The following RXRA variants were observed in gnomAD, a reference collection of about 807,000 sequenced individuals.
RXRA encodes the protein retinoid X receptor alpha.
A neutral mutation model predicts 44.5 loss-of-function variants in RXRA; 5 were observed. The ratio of observed to expected loss-of-function variants is 0.11; its 90% CI spans 0.06 to 0.24. The LOEUF is 0.24. Among genes scored for constraint, RXRA ranks in the 10% least tolerant of loss-of-function variants. RXRA has a pLI of 1.00. For synonymous variants in RXRA, 291 were observed against 271.4 expected, an observed-to-expected ratio of 1.07 and a Z score of -0.71; for missense variants, 412 against 646.5, an observed-to-expected ratio of 0.64 and a Z score of 3.93.
At chr9:134,332,732 G>C (rs1443093731) in intron 1 of RXRA, among the ~76,000 whole-genome samples, 1 of 152,164 alleles carries the variant, frequency 6.6e-6, no homozygotes, top group Admixed American at 6.5e-5. Flanking sequence ...TGGCTGGAAT[G>C]AGGCCACCAG....
In RXRA at chr9:134,342,825, A is replaced by G. The variant is rs10881580; in HGVS notation, c.28+16166A>G. ...CCCTTCCTGCTCTGGCTGGCTCAGC[A>G]GGTTGAGCGCAGGTGGTGGCTGTGG... On this transcript the variant is annotated intron_variant, in intron 1 of 9. Coordinates refer to ENST00000481739, the MANE Select transcript of RXRA (RefSeq NM_002957.6). The surrounding 1 kb of genome is among the most constrained non-coding windows in gnomAD (Gnocchi z 4.4). Among the ~76,000 whole-genome samples the G allele has an allele frequency of 0.33, 50,619 of 151,974 alleles. 8,744 individuals are homozygous for G. Among genetic ancestry groups the G allele is most frequent in the African/African-American group, 0.42 (17,258 of 41,442 alleles).
chr9:134,429,885 G>A (rs554742890), intron 7 of RXRA, among the ~76,000 whole-genome samples: 1 of 152,070 alleles, frequency 6.6e-6, no homozygotes, highest in African/African-American at 2.4e-5. Context: ...CCCTGTCTCT[G>A]CACAGCCTTT....
intron 1 of RXRA, among the ~76,000 whole-genome samples, chr9:134,372,660 T>G (rs566208496): frequency 6.6e-5 from 10 of 152,214 alleles, no homozygotes; most frequent in Non-Finnish European, 1.3e-4. Context: ...CTGACCCGCC[T>G]TGGGGCCCCC....
At chr9:134,430,875 T>C (rs1272651158) in intron 7 of RXRA, among the ~76,000 whole-genome samples, 3 of 152,158 alleles carry the variant, frequency 2.0e-5, no homozygotes, top group African/African-American at 7.2e-5. Flanking sequence ...TTTTTGCGAG[T>C]GGAATGCAAA....
intron 4 of RXRA, among the ~76,000 whole-genome samples, chr9:134,411,906 T>C (rs1228708269): frequency 1.3e-5 from 2 of 152,076 alleles, no homozygotes; most frequent in Admixed American, 1.3e-4. Flanking sequence ...CTCCTTACTC[T>C]TGGGCAGTAA....
intron 8 of RXRA, 105 bp downstream of exon 8, chr9:134,432,101 CAA>C: frequency 1.3e-6 from 1 of 774,634 alleles, no homozygotes; most frequent in South Asian, 1.6e-5. Flanking sequence ...CATGTGGGGC[CAA>C]CTCCCACCCT....
At chr9:134,415,602 C>T (rs910503739) in intron 4 of RXRA, among the ~76,000 whole-genome samples, 1 of 152,054 alleles carries the variant, frequency 6.6e-6, no homozygotes, top group Non-Finnish European at 1.5e-5. Flanking sequence ...GAGGTGGCAG[C>T]TTCAGGAACC....
Position 134,365,734 on chromosome 9 carries a change from C to T in RXRA, c.29-35898C>T, listed in dbSNP as rs543186828. Among the ~76,000 whole-genome samples the T allele has an allele frequency of 1.3e-5, 2 of 151,824 alleles. No individual in the cohort carries two copies. The highest frequency in any genetic ancestry group is 2.4e-5 in the African/African-American group (1 of 41,356). On this transcript the variant is annotated intron_variant, in intron 1 of 9. Coordinates refer to ENST00000481739, the MANE Select transcript of RXRA (RefSeq NM_002957.6). This position sits in a 1 kb window ranked among gnomAD's most constrained non-coding sequence, Gnocchi z 4.0. Reference sequence around the variant, plus strand: ...AGCCCTGAGGGGCCCGGCAGAGTCTCGGTGGGTCTCGGTGGGGCCAGCTGT... The same window carrying T: ...AGCCCTGAGGGGCCCGGCAGAGTCTTGGTGGGTCTCGGTGGGGCCAGCTGT...
intron 1 of RXRA, among the ~76,000 whole-genome samples, chr9:134,389,676 A>G (rs1830771906): frequency 6.6e-6 from 1 of 152,120 alleles, no homozygotes; most frequent in South Asian, 2.1e-4. Context: ...GGCCTGGGCA[A>G]GGTCTGGACT....
chr9:134,405,899 C>T (rs1036305923), intron 2 of RXRA: 5 of 152,448 alleles, frequency 3.3e-5, no homozygotes, highest in African/African-American at 1.2e-4. Flanking sequence ...CAAACAAGCC[C>T]TTTGCTTCCC....
chr9:134,417,976 A>C lies in RXRA; in HGVS notation c.780+649A>C, dbSNP rs911298579. On this transcript the variant is annotated intron_variant, in intron 5 of 9. Transcript: ENST00000481739. This position sits in a 1 kb window ranked among gnomAD's most constrained non-coding sequence, Gnocchi z 6.1. ...CTGGGCTGGCTCCAGCTGGTCCTGG[A>C]GGTGTTGGATTCAAGACCCCCTGGC... 1.3e-5 allele frequency among the ~76,000 whole-genome samples: 2 copies of C among 151,490 alleles called. No individual in the cohort carries two copies. Among genetic ancestry groups the C allele is most frequent in the African/African-American group, 4.9e-5 (2 of 41,156 alleles).
rs1440397377 is a variant in RXRA at position 134,365,867 on chromosome 9, G to C, written c.29-35765G>C. On this transcript the variant is annotated intron_variant, in intron 1 of 9. Coordinates refer to ENST00000481739, the MANE Select transcript of RXRA (RefSeq NM_002957.6). This position sits in a 1 kb window ranked among gnomAD's most constrained non-coding sequence, Gnocchi z 4.0. The stretch of plus-strand genomic sequence containing the variant: ...CATTCCTACTGCTAGGCTCAGGCCT[G>C]TCTTGGGGAGGGTTCCTGGGCTGGG... 6.6e-6 allele frequency among the ~76,000 whole-genome samples: 1 copy of C among 152,082 alleles called. No homozygotes were observed. Among genetic ancestry groups the C allele is most frequent in the Non-Finnish European group, 1.5e-5 (1 of 68,006 alleles).
intron 2 of RXRA, among the ~76,000 whole-genome samples, chr9:134,406,634 C>T (rs915250262): frequency 5.3e-5 from 8 of 152,284 alleles, no homozygotes; most frequent in Admixed American, 2.6e-4. Flanking sequence ...CCTGGTGCCT[C>T]CCGGAGCCCA....
chr9:134,421,927 C>T (rs4567118), intron 6 of RXRA, 122 bp downstream of exon 6: 3 of 1,523,302 alleles, frequency 2.0e-6, no homozygotes, highest in East Asian at 2.5e-5. Flanking sequence ...GACACTCCCC[C>T]CTCCCAGGAC....
At position 134,407,987 on chromosome 9, in the gene RXRA, G is replaced by A. The variant is rs528185353; in HGVS notation, c.280-162G>A. Among the ~76,000 whole-genome samples the A allele has an allele frequency of 6.6e-6, 1 of 151,916 alleles. No homozygotes were observed. Among genetic ancestry groups the A allele is most frequent in the African/African-American group, 2.4e-5 (1 of 41,370 alleles). ...GCTGAGCAAGCACAGTGGCCCCGCT[G>A]CTCCGGAGCAGCGTGGCGGGTGGGG... On this transcript the variant is annotated intron_variant, in intron 2 of 9. Coordinates refer to ENST00000481739, the MANE Select transcript of RXRA (RefSeq NM_002957.6). This position sits in a 1 kb window ranked among gnomAD's most constrained non-coding sequence, Gnocchi z 4.8.
intron 1 of RXRA, among the ~76,000 whole-genome samples, chr9:134,395,660 C>T (rs919535741): frequency 6.6e-6 from 1 of 152,230 alleles, no homozygotes; most frequent in African/African-American, 2.4e-5. Flanking sequence ...ACTTCATAGG[C>T]CTGGCCGAGG....
At chr9:134,428,746 A>C (rs1831478873) in intron 6 of RXRA, among the ~76,000 whole-genome samples, 1 of 152,158 alleles carries the variant, frequency 6.6e-6, no homozygotes, top group South Asian at 2.1e-4. Flanking sequence ...TGCTGGCAGC[A>C]GTGGTTCTGG....
intron 1 of RXRA, among the ~76,000 whole-genome samples, chr9:134,350,684 G>A (rs1001650255): frequency 2.0e-5 from 3 of 152,220 alleles, no homozygotes. Flanking sequence ...CCACGGAGAA[G>A]CCAGCCTCCC....
intron 1 of RXRA, among the ~76,000 whole-genome samples, chr9:134,364,552 C>T (rs537082352): frequency 1.7e-4 from 26 of 152,324 alleles, no homozygotes; most frequent in African/African-American, 5.1e-4. Context: ...CCAGACAGGC[C>T]GGGGCATGGT....
Sources: gnomAD v4.1 joint callset for allele counts (sites outside exome capture counted in the v4.1 genomes callset) on GRCh38, gnomAD v4.1.1 for gene constraint, Gnocchi (gnomAD v3.1) non-coding constraint, MANE v1.5 for transcripts, NCBI Gene and HGNC (gene_info 2026-07-23, HGNC 2026-07-21) for gene names.